The following ARID1B variants were observed in gnomAD, a reference collection of about 807,000 sequenced individuals.
The protein encoded by ARID1B is AT-rich interaction domain 1B.
In ARID1B, 30 loss-of-function variants were observed where a neutral mutation model predicts 212.3. The observed-to-expected ratio is 0.14, with a 90% CI of 0.11 to 0.19. ARID1B has a LOEUF of 0.19. Ranked by LOEUF, ARID1B falls within the 10% of genes least tolerant of loss-of-function variation. ARID1B has a pLI of 1.00. For synonymous variants in ARID1B, 1,402 were observed against 1,301.7 expected (o/e 1.08, Z -1.66); for missense variants, 2,891 against 3,204.0 (o/e 0.90, Z 2.36).
chr6:157,198,926 G>C lies in ARID1B; in HGVS notation c.4479+19G>C. On this transcript the variant is annotated intron_variant, in intron 17 of 19. Transcript: ENST00000636930. ...GCAGCCGGTGAGTTGGCAAGTGGGC[G>C]TGGGGTGCTGTGTTTTCTGGTTCTG... 6.4e-7 allele frequency: 1 copy of C among 1,566,508 alleles called. No individual in the cohort carries two copies. The highest frequency in any genetic ancestry group is 8.7e-7 in the Non-Finnish European group (1 of 1,148,924).
At chr6:156,953,801 G>A (rs1793762814) in intron 4 of ARID1B, among the ~76,000 whole-genome samples, 1 of 152,148 alleles carries the variant, frequency 6.6e-6, no homozygotes, top group Non-Finnish European at 1.5e-5. Flanking sequence ...AATGGCCTCC[G>A]CAGACAGGAG....
At chr6:157,084,257 A>G (rs1373715451) in intron 4 of ARID1B, among the ~76,000 whole-genome samples, 2 of 152,166 alleles carry the variant, frequency 1.3e-5, no homozygotes, top group Non-Finnish European at 2.9e-5. Flanking sequence ...TCTGAAAAAA[A>G]GGACTCAAAG....
Position 157,190,354 on chromosome 6 carries a change from T to TG in ARID1B, c.4231+145dup. On this transcript the variant is annotated intron_variant, in intron 15 of 19. Coordinates refer to ENST00000636930, the MANE Select transcript of ARID1B (RefSeq NM_001374828.1). The surrounding 1 kb of genome is among the most constrained non-coding windows in gnomAD (Gnocchi z 4.6). ...TCCCAGGTCCCCATCCTACTCCACT[T>TG]GTGGCCTTGGGAAAAGCAGTTAGCC... 1 of 1,070,434 alleles carries TG rather than the reference T, an allele frequency of 9.3e-7. No individual in the cohort carries two copies. Among genetic ancestry groups the TG allele is most frequent in the Non-Finnish European group, 1.3e-6 (1 of 770,838 alleles). The allele number at this position is 1,070,434 out of a possible 1,614,324, so 66.3% of individuals were successfully genotyped here.
At chr6:157,125,949 A>G (rs555765508) in intron 6 of ARID1B, among the ~76,000 whole-genome samples, 3 of 152,178 alleles carry the variant, frequency 2.0e-5, no homozygotes, top group Non-Finnish European at 2.9e-5. Context: ...TTTCTGTTCA[A>G]CTAAAATTTC....
chr6:157,109,334 G>A (rs1786727023), intron 5 of ARID1B, among the ~76,000 whole-genome samples: 2 of 152,190 alleles, frequency 1.3e-5, no homozygotes, highest in South Asian at 4.1e-4. Flanking sequence ...TGACTATGAA[G>A]CAGTGGGTCT....
chr6:156,991,899 T>A (rs1778296331), intron 4 of ARID1B, among the ~76,000 whole-genome samples: 1 of 152,188 alleles, frequency 6.6e-6, no homozygotes, highest in Non-Finnish European at 1.5e-5. Flanking sequence ...TATTTAAAAA[T>A]TTTTAATCTT....
At chr6:157,021,112 T>C (rs1261832531) in intron 4 of ARID1B, among the ~76,000 whole-genome samples, 1 of 147,020 alleles carries the variant, frequency 6.8e-6, no homozygotes, top group African/African-American at 2.5e-5. Context: ...CAGGGCCCGC[T>C]TGAGAGAGGG....
chr6:157,207,753 C>A lies in ARID1B; in HGVS notation c.6981C>A (p.Ala2327=). The A allele has an allele frequency of 6.3e-7, 1 of 1,585,290 alleles. No homozygotes were observed. The highest frequency in any genetic ancestry group is 8.6e-7 in the Non-Finnish European group (1 of 1,160,074). ...MMCRAAKALL[A]MARVDENRSE... is the part of the protein sequence containing the mutation. Reference sequence around the variant, plus strand: ...GCAGGGCGGCCAAGGCTTTGCTAGCCATGGCCAGAGTGGACGAAAACCGCT... The same window carrying A: ...GCAGGGCGGCCAAGGCTTTGCTAGCAATGGCCAGAGTGGACGAAAACCGCT... Residue 2327 remains alanine, a synonymous_variant, in exon 20 of 20, where the codon GCC becomes GCA. Transcript: ENST00000636930. This position sits in a 1 kb window ranked among gnomAD's most constrained non-coding sequence, Gnocchi z 8.5.
intron 3 of ARID1B, among the ~76,000 whole-genome samples, chr6:156,909,746 T>G (rs192239153): frequency 6.6e-6 from 1 of 152,206 alleles, no homozygotes; most frequent in East Asian, 1.9e-4. Context: ...TCCTGTACAT[T>G]GCAAGTTAGA....
intron 4 of ARID1B, among the ~76,000 whole-genome samples, chr6:157,013,117 G>A (rs1019999006): frequency 1.3e-5 from 2 of 152,228 alleles, no homozygotes; most frequent in Non-Finnish European, 2.9e-5. Context: ...GACCTCAGGT[G>A]GTCCGCCCGC....
chr6:156,863,749 G>C (rs1434955431), intron 2 of ARID1B, among the ~76,000 whole-genome samples: 3 of 152,154 alleles, frequency 2.0e-5, no homozygotes, highest in Admixed American at 2.0e-4. Context: ...GATTAATTGA[G>C]CAATTGCCAA....
intron 4 of ARID1B, among the ~76,000 whole-genome samples, chr6:156,971,241 G>A (rs554502962): frequency 2.6e-5 from 4 of 152,204 alleles, no homozygotes; most frequent in Non-Finnish European, 4.4e-5. Context: ...AAATTGCAGC[G>A]TTATCTGTAA....
intron 4 of ARID1B, among the ~76,000 whole-genome samples, chr6:156,946,863 A>G (rs1247860439): frequency 6.6e-6 from 1 of 152,236 alleles, no homozygotes; most frequent in African/African-American, 2.4e-5. Flanking sequence ...AACTGCTCAA[A>G]TCCTGTAACA....
chr6:157,107,356 A>G (rs1180662840), intron 5 of ARID1B, among the ~76,000 whole-genome samples: 1 of 152,182 alleles, frequency 6.6e-6, no homozygotes, highest in African/African-American at 2.4e-5. Flanking sequence ...CGGTAATTGT[A>G]TTATGGTTAT....
At chr6:157,025,374 A>G (rs1007499092) in intron 4 of ARID1B, among the ~76,000 whole-genome samples, 4 of 152,252 alleles carry the variant, frequency 2.6e-5, no homozygotes, top group South Asian at 2.1e-4. Flanking sequence ...TGAGAAATGC[A>G]TAACAATGAT....
chr6:157,004,890 CTTTTTTCTTTTTTTTTTTTT>C (rs1293525012), intron 4 of ARID1B, among the ~76,000 whole-genome samples: 750 of 35,686 alleles, frequency 0.021, 14 homozygotes, highest in African/African-American at 0.046. Flanking sequence ...TTTTCTTCTT[CTTTTTTCTTTTTTTTTTTTT>C]TTTTTTTTTT....
At chr6:156,871,756 G>T in intron 2 of ARID1B, 1 of 1,360,304 alleles carries the variant, frequency 7.4e-7, no homozygotes. Flanking sequence ...TGCAGGAACA[G>T]GGGCTTCTTA....
Position 157,007,743 on chromosome 6 carries a change from T to C in ARID1B, c.2247+72167T>C, listed in dbSNP as rs796522550. On this transcript the variant is annotated intron_variant, in intron 4 of 19. Transcript: ENST00000636930. Reference sequence around the variant, plus strand: ...CCTAAGTTGTTTTTTTTTTTTTTTTTCCCCAAGACAGAGTCTCACTCTGTC... The same window carrying C: ...CCTAAGTTGTTTTTTTTTTTTTTTTCCCCCAAGACAGAGTCTCACTCTGTC... Among the ~76,000 whole-genome samples the C allele has an allele frequency of 1.7e-3, 221 of 131,492 alleles. 1 individual carries two copies. The highest frequency in any genetic ancestry group is 3.0e-3 in the Non-Finnish European group (175 of 57,944). The allele number at this position is 131,492 out of a possible 152,430, so 86.3% of individuals were successfully genotyped here. A position where few individuals can be genotyped will look rare whatever the true frequency, so the allele number is the denominator to read the frequency against.
chr6:157,029,399 G>A (rs1040248146), intron 4 of ARID1B, among the ~76,000 whole-genome samples: 12 of 152,086 alleles, frequency 7.9e-5, no homozygotes, highest in South Asian at 6.2e-4. Flanking sequence ...AGTCTTTAGC[G>A]CATTCATTCA....
Sources: gnomAD v4.1 joint callset for allele counts (sites outside exome capture counted in the v4.1 genomes callset) on GRCh38, gnomAD v4.1.1 for gene constraint, Gnocchi (gnomAD v3.1) non-coding constraint, MANE v1.5 for transcripts, NCBI Gene and HGNC (gene_info 2026-07-23, HGNC 2026-07-21) for gene names.